Variants in DYNC2H1 observed in about 807,000 individuals in gnomAD.
DYNC2H1 encodes the protein dynein cytoplasmic 2 heavy chain 1.
A neutral mutation model predicts 570.0 loss-of-function variants in DYNC2H1; 410 were observed. The observed-to-expected ratio is 0.72, with a 90% CI of 0.66 to 0.78. The LOEUF (loss-of-function observed/expected upper bound fraction) is 0.78, where lower values mean the gene tolerates loss of function less well. Among genes scored for constraint, DYNC2H1 ranks in the 30% least tolerant of loss-of-function variants. The probability of loss-of-function intolerance (pLI) is 0.00; values close to 1 mark genes in which losing one functional copy is unlikely to be tolerated. For missense variants in DYNC2H1, 4,865 were observed against 5,046.4 expected, an observed-to-expected ratio of 0.96 and a Z score of 1.09; for synonymous variants, 1,688 against 1,677.6, an observed-to-expected ratio of 1.01 and a Z score of -0.15.
intron 84 of DYNC2H1, among the ~76,000 whole-genome samples, chr11:103,401,794 T>C (rs1276262365): frequency 6.6e-6 from 1 of 152,132 alleles, no homozygotes; most frequent in Non-Finnish European, 1.5e-5. Flanking sequence ...TTAGGATAAT[T>C]TTATTATGAA....
At chr11:103,411,418 TTA>T (rs780959691) in intron 84 of DYNC2H1, among the ~76,000 whole-genome samples, 2 of 151,912 alleles carry the variant, frequency 1.3e-5, no homozygotes, top group Non-Finnish European at 2.9e-5. Flanking sequence ...GTTAGGAAAA[TTA>T]TATCAATCGA....
Position 103,170,403 on chromosome 11 carries a change from G to A in DYNC2H1, c.5151+113G>A. ...AATCACTACATTTAAATTAGTTGAA[G>A]ACAGAATTTGTTTAAATTGAAATGT... On this transcript the variant is annotated intron_variant, in intron 33 of 88. Coordinates refer to ENST00000375735, the MANE Select transcript of DYNC2H1 (RefSeq NM_001377.3). This position sits in a 1 kb window ranked among gnomAD's most constrained non-coding sequence, Gnocchi z 4.8. The A allele has an allele frequency of 9.1e-7, 1 of 1,098,164 alleles. No individual in the cohort carries two copies. The highest frequency in any genetic ancestry group is 3.5e-5 in the Admixed American group (1 of 28,594). 68.0% of individuals were successfully genotyped at this position (1,098,164 alleles called of 1,614,324 possible).
At chr11:103,215,664 C>CTA in intron 54 of DYNC2H1, 57 bp from the exon 55 acceptor site, 2 of 1,312,904 alleles carry the variant, frequency 1.5e-6, no homozygotes, top group Admixed American at 3.7e-5. Context: ...GCTTTATTTA[C>CTA]TGTGTGTGTA....
In DYNC2H1 at chr11:103,185,371, G is replaced by A. The variant is rs1862024318; in HGVS notation, c.6633+320G>A. 1.3e-5 allele frequency among the ~76,000 whole-genome samples: 2 copies of A among 151,652 alleles called. No individual in the cohort carries two copies. Among genetic ancestry groups the A allele is most frequent in the South Asian group, 2.1e-4 (1 of 4,824 alleles). On this transcript the variant is annotated intron_variant, in intron 41 of 88. Coordinates refer to ENST00000375735, the MANE Select transcript of DYNC2H1 (RefSeq NM_001377.3). The surrounding 1 kb of genome is among the most constrained non-coding windows in gnomAD (Gnocchi z 4.5). Reference sequence around the variant, plus strand: ...TTATTTCATTCATTTAAAAATCTTAGAATAGTTTAGTTTTTATCATCCTTT... The same window carrying A: ...TTATTTCATTCATTTAAAAATCTTAAAATAGTTTAGTTTTTATCATCCTTT...
intron 54 of DYNC2H1, among the ~76,000 whole-genome samples, chr11:103,214,818 A>G (rs7927380): frequency 0.066 from 9,457 of 142,354 alleles, 1,021 homozygotes; most frequent in African/African-American, 0.23. Context: ...ATCTTTTTCA[A>G]TTTCTTTCAT....
intron 83 of DYNC2H1, among the ~76,000 whole-genome samples, chr11:103,374,746 A>G (rs1028757666): frequency 2.0e-5 from 3 of 152,146 alleles, no homozygotes; most frequent in Non-Finnish European, 4.4e-5. Context: ...CTTGAGAGAG[A>G]TGATTTAGGG....
intron 70 of DYNC2H1, among the ~76,000 whole-genome samples, chr11:103,262,659 T>G (rs1865346852): frequency 6.6e-6 from 1 of 152,078 alleles, no homozygotes; most frequent in Admixed American, 6.5e-5. Flanking sequence ...GCTGAGAAAT[T>G]TTGTCACTAC....
intron 84 of DYNC2H1, among the ~76,000 whole-genome samples, chr11:103,425,801 A>G: frequency 6.6e-6 from 1 of 150,798 alleles, no homozygotes; most frequent in Non-Finnish European, 1.5e-5. Flanking sequence ...TATACATAAC[A>G]AAAAAAAGAA....
intron 72 of DYNC2H1, among the ~76,000 whole-genome samples, chr11:103,282,672 A>G (rs1469678961): frequency 6.6e-6 from 1 of 152,032 alleles, no homozygotes; most frequent in Non-Finnish European, 1.5e-5. Context: ...CAGTACACCC[A>G]AAATATAACA....
In DYNC2H1 at chr11:103,189,209, AC is replaced by A. The variant is rs1277105853; in HGVS notation, c.7293-462del. On this transcript the variant is annotated intron_variant, in intron 44 of 88. Transcript: ENST00000375735. This position sits in a 1 kb window ranked among gnomAD's most constrained non-coding sequence, Gnocchi z 4.3. ...GTGCTAATTGTACTCCATCAATTAA[AC>A]TTTTTTTTTTCTAGAAATATTCCTG... Among the ~76,000 whole-genome samples the A allele has an allele frequency of 6.6e-6, 1 of 151,806 alleles. No homozygotes were observed. Among genetic ancestry groups the A allele is most frequent in the African/African-American group, 2.4e-5 (1 of 41,188 alleles).
chr11:103,241,640 T>G lies in DYNC2H1; in HGVS notation c.9820-2053T>G. On this transcript the variant is annotated intron_variant, in intron 63 of 88. Coordinates refer to ENST00000375735, the MANE Select transcript of DYNC2H1 (RefSeq NM_001377.3). The surrounding 1 kb of genome is among the most constrained non-coding windows in gnomAD (Gnocchi z 5.1). ...TGTGCTATTGAATGCTAGCATAAAA[T>G]TAGATCAAAAACCTAGGTGCAGCAC... The G allele has an allele frequency of 9.0e-7, 1 of 1,110,514 alleles. No homozygotes were observed. The highest frequency in any genetic ancestry group is 1.3e-6 in the Non-Finnish European group (1 of 774,276). The allele number at this position is 1,110,514 out of a possible 1,614,324, so 68.8% of individuals were successfully genotyped here.
At chr11:103,422,561 T>C (rs568226335) in intron 84 of DYNC2H1, among the ~76,000 whole-genome samples, 2 of 152,184 alleles carry the variant, frequency 1.3e-5, no homozygotes, top group African/African-American at 4.8e-5. Context: ...ATGTGTTTCA[T>C]TGCATAAACA....
At position 103,209,350 on chromosome 11, in the gene DYNC2H1, T is replaced by C. The variant is rs909585735; in HGVS notation, c.8455-526T>C. Among the ~76,000 whole-genome samples the C allele has an allele frequency of 2.0e-5, 3 of 152,060 alleles. No homozygotes were observed. The highest frequency in any genetic ancestry group is 7.2e-5 in the African/African-American group (3 of 41,448). On this transcript the variant is annotated intron_variant, in intron 52 of 88. Transcript: ENST00000375735. The surrounding 1 kb of genome is among the most constrained non-coding windows in gnomAD (Gnocchi z 4.2). ...TTACTTTAATAATAATGATATCTGC[T>C]TATGAAACTGTATTTGCTTATTTAC...
At chr11:103,210,063 T>A in intron 53 of DYNC2H1, 103 bp downstream of exon 53, 20 of 1,258,536 alleles carry the variant, frequency 1.6e-5, no homozygotes, top group Non-Finnish European at 2.1e-5. Flanking sequence ...TAAATTTGAA[T>A]AATGCTAAGT....
intron 17 of DYNC2H1, among the ~76,000 whole-genome samples, chr11:103,141,623 G>A (rs1209820897): frequency 6.6e-6 from 1 of 152,208 alleles, no homozygotes; most frequent in Non-Finnish European, 1.5e-5. Flanking sequence ...ACTGGGGGGT[G>A]CCTCCCAGTT....
chr11:103,393,849 G>A lies in DYNC2H1; in HGVS notation c.12157-5814G>A, dbSNP rs573143978. Among the ~76,000 whole-genome samples the A allele has an allele frequency of 4.6e-5, 7 of 152,272 alleles. No individual in the cohort carries two copies. In the South Asian group the frequency reaches 6.2e-4, roughly 14 times the overall value. ...GTTAAGTCACTTCTTATGTGGATGC[G>A]GGCAGGCAAAGAGAGAGAGCTTGTG... On this transcript the variant is annotated intron_variant, in intron 83 of 88. Transcript: ENST00000375735.
intron 15 of DYNC2H1, 74 bp downstream of exon 15, chr11:103,134,493 G>T (rs1237550830): frequency 1.7e-6 from 2 of 1,179,156 alleles, no homozygotes; most frequent in Non-Finnish European, 2.3e-6. Flanking sequence ...TATATGAATT[G>T]CCGAGAAGTT....
intron 82 of DYNC2H1, among the ~76,000 whole-genome samples, chr11:103,331,491 A>G (rs1938793113): frequency 6.6e-6 from 1 of 152,186 alleles, no homozygotes; most frequent in African/African-American, 2.4e-5. Flanking sequence ...CACTGCAAAA[A>G]TCACCCTCAA....
intron 6 of DYNC2H1, among the ~76,000 whole-genome samples, chr11:103,118,915 C>A (rs1591266167): frequency 2.6e-5 from 4 of 152,068 alleles, no homozygotes; most frequent in African/African-American, 9.7e-5. Context: ...TTATAATGCT[C>A]TCCAACTTTT....
Sources: gnomAD v4.1 joint callset for allele counts (sites outside exome capture counted in the v4.1 genomes callset) on GRCh38, gnomAD v4.1.1 for gene constraint, Gnocchi (gnomAD v3.1) non-coding constraint, MANE v1.5 for transcripts, NCBI Gene and HGNC (gene_info 2026-07-23, HGNC 2026-07-21) for gene names.